The following TCF7L2 variants were observed in gnomAD, a reference collection of about 807,000 sequenced individuals.
TCF7L2 encodes transcription factor 7 like 2, also known as transcription factor 7-like 2.
In TCF7L2, 23 loss-of-function variants were observed where a neutral mutation model predicts 77.9. The observed-to-expected ratio is 0.30, with a 90% CI of 0.21 to 0.42. The LOEUF is 0.42. Ranked by LOEUF, TCF7L2 falls within the 10% of genes least tolerant of loss-of-function variation. The probability of loss-of-function intolerance (pLI) is 1.00; values close to 1 mark genes in which losing one functional copy is unlikely to be tolerated. For synonymous variants in TCF7L2, 413 were observed against 340.2 expected, an observed-to-expected ratio of 1.21 and a Z score of -2.36; for missense variants, 654 against 793.1, an observed-to-expected ratio of 0.82 and a Z score of 2.11.
chr10:112,951,538 CT>C lies in TCF7L2; in HGVS notation c.314del (p.Phe105SerfsTer3). On this transcript the variant is annotated frameshift_variant, in exon 3 of 14. Coordinates refer to ENST00000627217, the MANE Select transcript of TCF7L2 (RefSeq NM_001146274.2). LOFTEE classifies it high-confidence loss of function. ...AGGGGCCACCGTATCCCGGCTACCCCTTCATCATGATCCCCGACCTGACGAG... is the reference window on the plus strand; with the variant it reads ...AGGGGCCACCGTATCCCGGCTACCCCTCATCATGATCCCCGACCTGACGAG... The C allele has an allele frequency of 7.0e-7, 1 of 1,426,668 alleles. No homozygotes were observed. 88.4% of individuals were successfully genotyped at this position (1,426,668 alleles called of 1,614,324 possible). A position where few individuals can be genotyped will look rare whatever the true frequency, so the allele number is the denominator to read the frequency against.
At chr10:112,966,912 A>G (rs1366733834) in intron 4 of TCF7L2, among the ~76,000 whole-genome samples, 5 of 152,214 alleles carry the variant, frequency 3.3e-5, no homozygotes, top group Admixed American at 3.3e-4. Flanking sequence ...ATGTGGGCAA[A>G]CAGAGAGACA....
chr10:113,124,079 A>G (rs141719303), intron 5 of TCF7L2, among the ~76,000 whole-genome samples: 1 of 152,142 alleles, frequency 6.6e-6, no homozygotes, highest in African/African-American at 2.4e-5. Context: ...TGTGGCAGAG[A>G]TGACATCAGT....
chr10:113,001,143 G>T (rs998266534), intron 4 of TCF7L2, among the ~76,000 whole-genome samples: 1 of 152,214 alleles, frequency 6.6e-6, no homozygotes, highest in Admixed American at 6.5e-5. Flanking sequence ...GGCTTGGAGG[G>T]CAGGAGAGTG....
chr10:113,026,106 T>G (rs1040812693), intron 4 of TCF7L2, among the ~76,000 whole-genome samples: 1 of 152,058 alleles, frequency 6.6e-6, no homozygotes, highest in African/African-American at 2.4e-5. Context: ...CTTGAACTCC[T>G]GACCTCAGGT....
intron 11 of TCF7L2, among the ~76,000 whole-genome samples, chr10:113,156,386 T>C (rs531870796): frequency 1.3e-5 from 2 of 152,238 alleles, no homozygotes; most frequent in Non-Finnish European, 2.9e-5. Flanking sequence ...AGTGCTGGGA[T>C]TACAGGCGTG....
chr10:113,040,471 G>T (rs1052215687), intron 5 of TCF7L2, among the ~76,000 whole-genome samples: 2 of 152,150 alleles, frequency 1.3e-5, no homozygotes, highest in Non-Finnish European at 1.5e-5. Context: ...TTCAGGGCAG[G>T]TGAAGTGAAG....
intron 5 of TCF7L2, among the ~76,000 whole-genome samples, chr10:113,047,699 G>T (rs2053698319): frequency 2.0e-5 from 3 of 151,836 alleles, no homozygotes; most frequent in African/African-American, 7.3e-5. Context: ...CTATTTATTC[G>T]ATGCTATGTG....
intron 5 of TCF7L2, among the ~76,000 whole-genome samples, chr10:113,042,853 A>G (rs889890749): frequency 2.0e-5 from 3 of 152,198 alleles, no homozygotes; most frequent in African/African-American, 7.2e-5. Context: ...TGCATTCTGA[A>G]TGGTGGCTGA....
chr10:113,164,106 C>T (rs536987764), intron 13 of TCF7L2, among the ~76,000 whole-genome samples: 15 of 152,314 alleles, frequency 9.8e-5, no homozygotes, highest in African/African-American at 3.6e-4. Context: ...GATGAGCACA[C>T]TTCCTGTATC....
Position 113,166,696 on chromosome 10 carries a change from T to C in TCF7L2, c.*724T>C, listed in dbSNP as rs56386996. On this transcript the variant is annotated 3_prime_UTR_variant, in exon 14 of 14. Transcript: ENST00000627217. ...TCCCTTTTTAAATATGTTTTCCTTTTTCTTGAAACTGTATAAAGTTTTTTT... is the reference window on the plus strand; with the variant it reads ...TCCCTTTTTAAATATGTTTTCCTTTCTCTTGAAACTGTATAAAGTTTTTTT... 0.069 allele frequency: 15,858 copies of C among 230,338 alleles called. 742 individuals carry two copies. The highest frequency in any genetic ancestry group is 0.11 in the Middle Eastern group (89 of 774). 14.3% of individuals were successfully genotyped at this position (230,338 alleles called of 1,614,324 possible). A position where few individuals can be genotyped will look rare whatever the true frequency, so the allele number is the denominator to read the frequency against.
intron 5 of TCF7L2, among the ~76,000 whole-genome samples, chr10:113,131,184 G>A (rs2066546183): frequency 6.6e-6 from 1 of 152,148 alleles, no homozygotes; most frequent in African/African-American, 2.4e-5. Flanking sequence ...AATCTGCAGT[G>A]GTCGATAAGC....
intron 5 of TCF7L2, among the ~76,000 whole-genome samples, chr10:113,058,194 T>C (rs1327517775): frequency 1.3e-5 from 2 of 152,250 alleles, no homozygotes; most frequent in African/African-American, 4.8e-5. Flanking sequence ...AACTTGTGAC[T>C]GCCCAACAGG....
At chr10:113,159,489 A>G (rs1378658337) in intron 12 of TCF7L2, among the ~76,000 whole-genome samples, 1 of 152,116 alleles carries the variant, frequency 6.6e-6, no homozygotes, top group Non-Finnish European at 1.5e-5. Flanking sequence ...GCATGTTACA[A>G]ACTTAATTCC....
rs2074063167 is a variant in TCF7L2 at position 113,166,844 on chromosome 10, C to T, written c.*872C>T. The T allele has an allele frequency of 8.8e-6, 2 of 227,732 alleles. No homozygotes were observed. The highest frequency in any genetic ancestry group is 1.7e-5 in the Non-Finnish European group (2 of 115,100). The allele number at this position is 227,732 out of a possible 1,614,324, so 14.1% of individuals were successfully genotyped here. ...TGACTTTTTTTTTTCTGTATGAAAC[C>T]CAGATGTCACCAAATGGACATTAAT... On this transcript the variant is annotated 3_prime_UTR_variant, in exon 14 of 14. Coordinates refer to ENST00000627217, the MANE Select transcript of TCF7L2 (RefSeq NM_001146274.2).
chr10:112,952,104 C>T, intron 3 of TCF7L2, among the ~76,000 whole-genome samples: 1 of 152,164 alleles, frequency 6.6e-6, no homozygotes, highest in Non-Finnish European at 1.5e-5. Flanking sequence ...GAGTGACTGA[C>T]TGTGCTGCGC....
chr10:113,011,816 C>T (rs908632053), intron 4 of TCF7L2, among the ~76,000 whole-genome samples: 10 of 151,824 alleles, frequency 6.6e-5, no homozygotes, highest in African/African-American at 2.4e-5. Context: ...AGTATTACCA[C>T]CTTGAGTATT....
chr10:113,081,942 A>T (rs2059353640), intron 5 of TCF7L2, among the ~76,000 whole-genome samples: 1 of 152,088 alleles, frequency 6.6e-6, no homozygotes, highest in Admixed American at 6.5e-5. Flanking sequence ...GGTTCAAGCA[A>T]TTCTCCTGCC....
At chr10:113,090,632 A>G (rs1443073511) in intron 5 of TCF7L2, among the ~76,000 whole-genome samples, 3 of 152,116 alleles carry the variant, frequency 2.0e-5, no homozygotes, top group Admixed American at 6.5e-5. Flanking sequence ...CTTTTTTGAG[A>G]TAGAGTCTCG....
At chr10:113,165,416 A>G (rs1253873882) in intron 13 of TCF7L2, 139 bp from the exon 15 acceptor site, 12 of 925,382 alleles carry the variant, frequency 1.3e-5, no homozygotes, top group Non-Finnish European at 2.0e-5. Context: ...GCGCCACTGT[A>G]ATTGTCCTCG....
Sources: allele counts gnomAD v4.1 joint callset (sites outside exome capture counted in the v4.1 genomes callset), GRCh38; gene constraint gnomAD v4.1.1; transcripts MANE v1.5; gene names NCBI Gene and HGNC (gene_info 2026-07-23, HGNC 2026-07-21).